ERC1: variants seen among roughly 807,000 people sequenced by gnomAD.
The protein encoded by ERC1 is RAB6 interacting protein 2.
In ERC1, 56 loss-of-function variants were observed where a neutral mutation model predicts 132.0. The observed-to-expected ratio is 0.42, with a 90% confidence interval of 0.34 to 0.53. The LOEUF is 0.53. ERC1 is among the 20% of genes least tolerant of loss of function. The probability of loss-of-function intolerance (pLI) is 0.03; values close to 1 mark genes in which losing one functional copy is unlikely to be tolerated. For synonymous variants in ERC1, 478 were observed against 476.1 expected, an observed-to-expected ratio of 1.00 and a Z score of -0.05; for missense variants, 1,202 against 1,349.9, an observed-to-expected ratio of 0.89 and a Z score of 1.72.
chr12:1,324,043 T>C (rs1005419852), intron 15 of ERC1, among the ~76,000 whole-genome samples: 3 of 152,214 alleles, frequency 2.0e-5, no homozygotes, highest in Non-Finnish European at 4.4e-5. Context: ...CTAATTCATA[T>C]CTTGATGTTC....
intron 16 of ERC1, among the ~76,000 whole-genome samples, chr12:1,386,338 CA>C (rs113736023): frequency 4.0e-5 from 6 of 150,616 alleles, no homozygotes; most frequent in African/African-American, 1.5e-4. Flanking sequence ...TGCCCGGTCA[CA>C]AAAAAAATTT....
At chr12:1,009,396 G>C (rs542112229) in intron 1 of ERC1, among the ~76,000 whole-genome samples, 2 of 152,156 alleles carry the variant, frequency 1.3e-5, no homozygotes, top group African/African-American at 4.8e-5. Flanking sequence ...GGATGGTCTT[G>C]ATCTCCTGAC....
intron 1 of ERC1, among the ~76,000 whole-genome samples, chr12:1,021,063 C>T (rs965773447): frequency 3.9e-5 from 6 of 152,132 alleles, no homozygotes; most frequent in Non-Finnish European, 5.9e-5. Flanking sequence ...CCTCAGCCTC[C>T]TGAGTAGCTG....
intron 13 of ERC1, among the ~76,000 whole-genome samples, chr12:1,243,730 C>G (rs1352132122): frequency 6.6e-6 from 1 of 152,146 alleles, no homozygotes; most frequent in African/African-American, 2.4e-5. Flanking sequence ...GAGTAGAGTG[C>G]TGGGTGCTGC....
intron 12 of ERC1, among the ~76,000 whole-genome samples, chr12:1,232,890 G>T (rs975089402): frequency 5.3e-5 from 8 of 150,220 alleles, no homozygotes; most frequent in African/African-American, 1.7e-4. Flanking sequence ...CGAATACATG[G>T]AAAAATAAAA....
chr12:1,365,423 A>G (rs1262419801), intron 15 of ERC1, among the ~76,000 whole-genome samples: 2 of 152,224 alleles, frequency 1.3e-5, no homozygotes, highest in African/African-American at 4.8e-5. Context: ...ATAGAAGTGA[A>G]GTCAGAATCA....
chr12:1,420,933 G>T (rs915094351), intron 17 of ERC1, among the ~76,000 whole-genome samples: 41 of 89,870 alleles, frequency 4.6e-4, no homozygotes, highest in Admixed American at 1.6e-3. Flanking sequence ...GGGGGGGGGG[G>T]TTAATTATAA....
At chr12:1,307,894 A>G (rs1474844688) in intron 15 of ERC1, among the ~76,000 whole-genome samples, 1 of 152,204 alleles carries the variant, frequency 6.6e-6, no homozygotes, top group African/African-American at 2.4e-5. Flanking sequence ...AAATGAAAAT[A>G]TTATGGTATC....
chr12:1,429,132 C>T (rs1211898897), intron 17 of ERC1, among the ~76,000 whole-genome samples: 4 of 152,164 alleles, frequency 2.6e-5, no homozygotes, highest in Non-Finnish European at 5.9e-5. Context: ...CTACTGAACA[C>T]ATAGCACTGT....
At chr12:1,138,260 TATATA>T (rs1452815543) in intron 7 of ERC1, among the ~76,000 whole-genome samples, 5 of 134,236 alleles carry the variant, frequency 3.7e-5, no homozygotes, top group East Asian at 2.0e-4. Flanking sequence ...TGATATATAT[TATATA>T]ATATAATTAC....
intron 2 of ERC1, among the ~76,000 whole-genome samples, chr12:1,057,013 T>C (rs1190842850): frequency 6.6e-6 from 1 of 152,226 alleles, no homozygotes; most frequent in Non-Finnish European, 1.5e-5. Flanking sequence ...TTGAATGATA[T>C]TGAATGGTCT....
intron 2 of ERC1, among the ~76,000 whole-genome samples, chr12:1,056,559 C>T (rs1026015981): frequency 6.6e-6 from 1 of 152,110 alleles, no homozygotes; most frequent in Admixed American, 6.5e-5. Flanking sequence ...GTGTGCCATT[C>T]TGGAAAACTG....
chr12:1,035,916 C>T (rs1397327958), intron 2 of ERC1, among the ~76,000 whole-genome samples: 7 of 149,200 alleles, frequency 4.7e-5, no homozygotes, highest in East Asian at 1.9e-4. Context: ...AGCATGACTC[C>T]GTCTCAGAAA....
At chr12:1,372,984 T>C (rs779521317) in intron 16 of ERC1, among the ~76,000 whole-genome samples, 2 of 152,244 alleles carry the variant, frequency 1.3e-5, no homozygotes, top group Non-Finnish European at 2.9e-5. Flanking sequence ...TTTATATGTA[T>C]TTATGTTGCA....
chr12:1,393,032 T>C (rs1368207495), intron 16 of ERC1, among the ~76,000 whole-genome samples: 3 of 152,240 alleles, frequency 2.0e-5, no homozygotes, highest in East Asian at 1.9e-4. Context: ...TTTGGCCTTA[T>C]ATCATTTGCT....
intron 16 of ERC1, among the ~76,000 whole-genome samples, chr12:1,407,432 G>A (rs2091571600): frequency 6.6e-6 from 1 of 152,112 alleles, no homozygotes; most frequent in African/African-American, 2.4e-5. Flanking sequence ...TGCACCTGTA[G>A]TCCCAGCTGC....
intron 8 of ERC1, among the ~76,000 whole-genome samples, chr12:1,159,832 C>CTACT (rs374569313): frequency 7.9e-4 from 120 of 152,204 alleles, no homozygotes; most frequent in African/African-American, 2.7e-3. Context: ...GAAATGTGGG[C>CTACT]TACTCAGTGA....
chr12:1,481,040 C>A, intron 18 of ERC1: 1 of 577,486 alleles, frequency 1.7e-6, no homozygotes, highest in Non-Finnish European at 3.1e-6. Context: ...GAGATAAAGT[C>A]TAGTTTATAA....
intron 15 of ERC1, among the ~76,000 whole-genome samples, chr12:1,346,299 C>G (rs2084446288): frequency 6.6e-6 from 1 of 152,104 alleles, no homozygotes; most frequent in South Asian, 2.1e-4. Flanking sequence ...ATTTTTCTTG[C>G]CTTTATGAGG....
Sources: allele counts gnomAD v4.1 joint callset (sites outside exome capture counted in the v4.1 genomes callset), GRCh38; gene constraint gnomAD v4.1.1; transcripts MANE v1.5; gene names NCBI Gene and HGNC (gene_info 2026-07-23, HGNC 2026-07-21).